DOCK3: variants seen among roughly 807,000 people sequenced by gnomAD.
DOCK3 encodes the protein dedicator of cytokinesis 3, also known as dedicator of cytokinesis protein 3.
A neutral mutation model predicts 265.6 loss-of-function variants in DOCK3; 60 were observed. The observed-to-expected ratio is 0.23, with a 90% CI of 0.18 to 0.28. The LOEUF is 0.28. Among genes scored for constraint, DOCK3 ranks in the 10% least tolerant of loss-of-function variants. The pLI, the probability that DOCK3 is intolerant of heterozygous loss-of-function variation, is 1.00. For synonymous variants in DOCK3, 881 were observed against 938.0 expected, an observed-to-expected ratio of 0.94 and a Z score of 1.11; for missense variants, 1,981 against 2,594.3, an observed-to-expected ratio of 0.76 and a Z score of 5.14.
chr3:51,081,895 CAAAAA>C (rs56305507), intron 7 of DOCK3, among the ~76,000 whole-genome samples: 1 of 117,598 alleles, frequency 8.5e-6, no homozygotes, highest in Admixed American at 8.7e-5. Context: ...GACTCTGTCT[CAAAAA>C]AAAAAAAAAA....
At chr3:50,893,529 G>A (rs542237607) in intron 4 of DOCK3, among the ~76,000 whole-genome samples, 196 of 152,112 alleles carry the variant, frequency 1.3e-3, no homozygotes, top group Non-Finnish European at 2.3e-3. Flanking sequence ...AAATAGAGGA[G>A]CGAGTCAACT....
intron 5 of DOCK3, among the ~76,000 whole-genome samples, chr3:51,048,247 T>A (rs2080851098): frequency 6.6e-6 from 1 of 152,078 alleles, no homozygotes; most frequent in Non-Finnish European, 1.5e-5. Context: ...TAATAAAGGC[T>A]CCATGTATGA....
intron 5 of DOCK3, among the ~76,000 whole-genome samples, chr3:50,957,240 A>C (rs1292527302): frequency 2.0e-5 from 3 of 152,212 alleles, no homozygotes; most frequent in Non-Finnish European, 4.4e-5. Flanking sequence ...CTGTTGTCTA[A>C]ATACAGAAAC....
At chr3:50,699,725 G>T (rs1019715188) in intron 1 of DOCK3, among the ~76,000 whole-genome samples, 5 of 152,210 alleles carry the variant, frequency 3.3e-5, no homozygotes, top group African/African-American at 1.2e-4. Flanking sequence ...TTACTGCAGC[G>T]CAAGAGGCTT....
chr3:50,698,836 T>G (rs991424085), intron 1 of DOCK3, among the ~76,000 whole-genome samples: 1 of 152,082 alleles, frequency 6.6e-6, no homozygotes, highest in Non-Finnish European at 1.5e-5. Flanking sequence ...CCTTTGCCCA[T>G]TTTTGAATTG....
At chr3:50,858,500 G>A (rs1434651214) in intron 3 of DOCK3, among the ~76,000 whole-genome samples, 2 of 151,836 alleles carry the variant, frequency 1.3e-5, no homozygotes, top group African/African-American at 4.8e-5. Context: ...GGCTTGTAGG[G>A]TTTCAGCTGA....
chr3:51,360,998 A>C (rs2086697819), intron 47 of DOCK3, among the ~76,000 whole-genome samples: 1 of 152,224 alleles, frequency 6.6e-6, no homozygotes, highest in Non-Finnish European at 1.5e-5. Context: ...GAGTAGAGCC[A>C]AGTGGCTGGA....
At chr3:50,788,370 T>G in intron 2 of DOCK3, 1 of 229,786 alleles carries the variant, frequency 4.4e-6, no homozygotes. Flanking sequence ...TAAAATATTT[T>G]TCCATCCCTA....
intron 3 of DOCK3, among the ~76,000 whole-genome samples, chr3:50,857,468 CA>C (rs1391573609): frequency 3.3e-5 from 5 of 152,084 alleles, no homozygotes; most frequent in African/African-American, 1.2e-4. Context: ...TTCTGCACGG[CA>C]AAAGAAACTA....
At chr3:50,734,041 A>C (rs371326515) in intron 1 of DOCK3, among the ~76,000 whole-genome samples, 14 of 152,286 alleles carry the variant, frequency 9.2e-5, no homozygotes, top group East Asian at 3.9e-4. Context: ...AAAATTGCTG[A>C]GTAGATTTTA....
intron 4 of DOCK3, among the ~76,000 whole-genome samples, chr3:50,923,689 A>T (rs953821627): frequency 2.6e-5 from 4 of 152,200 alleles, no homozygotes; most frequent in Non-Finnish European, 4.4e-5. Flanking sequence ...GACATTACAG[A>T]CATGTTTCTC....
At chr3:50,835,865 A>G (rs2045476708) in intron 2 of DOCK3, among the ~76,000 whole-genome samples, 1 of 152,112 alleles carries the variant, frequency 6.6e-6, no homozygotes, top group African/African-American at 2.4e-5. Context: ...GCCAAACCCC[A>G]TGAGATCTTA....
chr3:51,150,351 A>G (rs1056106191), intron 10 of DOCK3, among the ~76,000 whole-genome samples: 4 of 151,802 alleles, frequency 2.6e-5, no homozygotes, highest in Non-Finnish European at 5.9e-5. Context: ...TTCTGCTCTG[A>G]TCTCAGTTAT....
At chr3:51,114,059 T>C (rs1204593525) in intron 9 of DOCK3, among the ~76,000 whole-genome samples, 3 of 151,622 alleles carry the variant, frequency 2.0e-5, no homozygotes, top group Non-Finnish European at 4.4e-5. Flanking sequence ...CAGTGAGCCA[T>C]GATTGCATCA....
intron 2 of DOCK3, among the ~76,000 whole-genome samples, chr3:50,807,018 G>T (rs1327689314): frequency 1.3e-5 from 2 of 152,030 alleles, no homozygotes; most frequent in Admixed American, 1.3e-4. Context: ...CTGTCTCTGG[G>T]CCCCAGTCTG....
At position 51,368,115 on chromosome 3, in the gene DOCK3, T is replaced by C. The variant is rs528931782; in HGVS notation, c.5293+5441T>C. ...CAATTTGGTTCCATTCTCCCCATCA[T>C]GAATAGGAACACAACGAGTCTGCAG... On this transcript the variant is annotated intron_variant, in intron 49 of 52. Coordinates refer to ENST00000266037, the MANE Select transcript of DOCK3 (RefSeq NM_004947.5). 2.0e-5 allele frequency among the ~76,000 whole-genome samples: 3 copies of C among 152,194 alleles called. No individual in the cohort carries two copies. In the South Asian group the frequency reaches 6.2e-4, roughly 32 times the overall value.
intron 3 of DOCK3, among the ~76,000 whole-genome samples, chr3:50,868,937 A>G (rs1465260679): frequency 5.3e-5 from 6 of 113,018 alleles, no homozygotes; most frequent in East Asian, 4.7e-4. Flanking sequence ...GGTCTGACTA[A>G]AAGTTTGTCG....
At chr3:51,322,055 A>G (rs1031573673) in intron 32 of DOCK3, among the ~76,000 whole-genome samples, 2 of 129,368 alleles carry the variant, frequency 1.5e-5, no homozygotes, top group African/African-American at 6.3e-5. Flanking sequence ...AAATGAAGGG[A>G]AAAATGTTAA....
At chr3:51,237,834 C>T (rs1300099461) in intron 21 of DOCK3, among the ~76,000 whole-genome samples, 1 of 152,122 alleles carries the variant, frequency 6.6e-6, no homozygotes, top group Non-Finnish European at 1.5e-5. Context: ...CTGTCCATCT[C>T]CAAAACTCTT....
Sources: allele counts gnomAD v4.1 joint callset (sites outside exome capture counted in the v4.1 genomes callset), GRCh38; gene constraint gnomAD v4.1.1; transcripts MANE v1.5; gene names NCBI Gene and HGNC (gene_info 2026-07-23, HGNC 2026-07-21).